Variants in RALGPS1 observed in about 807,000 individuals in gnomAD.
The protein encoded by RALGPS1 is Ral GEF with PH domain and SH3 binding motif 1.
RALGPS1 carries 19 observed loss-of-function variants against 78.8 expected under a neutral mutation model. The observed-to-expected ratio is 0.24, with a 90% CI of 0.17 to 0.35. RALGPS1 has a LOEUF of 0.35. RALGPS1 is among the 10% of genes least tolerant of loss of function. RALGPS1 has a pLI of 1.00. For missense variants in RALGPS1, 454 were observed against 688.3 expected, an observed-to-expected ratio of 0.66 and a Z score of 3.81; for synonymous variants, 228 against 256.3, an observed-to-expected ratio of 0.89 and a Z score of 1.06.
At chr9:127,074,433 G>A (rs2050500530) in intron 8 of RALGPS1, among the ~76,000 whole-genome samples, 1 of 152,056 alleles carries the variant, frequency 6.6e-6, no homozygotes, top group Non-Finnish European at 1.5e-5. Flanking sequence ...CCCCATCTCA[G>A]GTCTGCAGAT....
At chr9:126,978,017 C>T in intron 4 of RALGPS1, 1 of 306,974 alleles carries the variant, frequency 3.3e-6, no homozygotes, top group Non-Finnish European at 5.9e-6. Context: ...TCTTAACACC[C>T]TCATTCCTTT....
At chr9:126,960,537 C>T (rs1236486140) in intron 1 of RALGPS1, among the ~76,000 whole-genome samples, 2 of 151,950 alleles carry the variant, frequency 1.3e-5, no homozygotes, top group Non-Finnish European at 2.9e-5. Context: ...CCTGGCCACC[C>T]CTGTTTCTTT....
chr9:127,108,448 T>A, intron 8 of RALGPS1: 1 of 1,610,636 alleles, frequency 6.2e-7, no homozygotes, highest in Non-Finnish European at 8.5e-7. Context: ...CTTGAGCAGC[T>A]CATTGTTGAG....
chr9:126,952,985 G>A (rs1309862904), intron 1 of RALGPS1, among the ~76,000 whole-genome samples: 1 of 152,150 alleles, frequency 6.6e-6, no homozygotes, highest in Non-Finnish European at 1.5e-5. Context: ...TTGTAATTGA[G>A]CATTCCTGGA....
chr9:127,030,791 G>A (rs1170727649), intron 4 of RALGPS1, among the ~76,000 whole-genome samples: 1 of 152,160 alleles, frequency 6.6e-6, no homozygotes, highest in Non-Finnish European at 1.5e-5. Context: ...GATGGGGGCA[G>A]GAAGAGAGCG....
chr9:127,087,046 A>G (rs929868235), intron 8 of RALGPS1, among the ~76,000 whole-genome samples: 5 of 152,320 alleles, frequency 3.3e-5, no homozygotes, highest in South Asian at 2.1e-4. Context: ...GACCTGGAAG[A>G]AAGGTACGTC....
intron 4 of RALGPS1, among the ~76,000 whole-genome samples, chr9:127,016,390 A>G (rs756668112): frequency 1.4e-4 from 21 of 152,192 alleles, no homozygotes; most frequent in Non-Finnish European, 2.6e-4. Flanking sequence ...CTCAAAGACC[A>G]TCTGGTGCTG....
At chr9:127,054,101 C>T (rs1465198572) in intron 7 of RALGPS1, among the ~76,000 whole-genome samples, 2 of 152,142 alleles carry the variant, frequency 1.3e-5, no homozygotes, top group Non-Finnish European at 2.9e-5. Context: ...CAGAGCAGCT[C>T]TGTTTGTATC....
chr9:127,102,393 A>G (rs2053826904), intron 8 of RALGPS1, among the ~76,000 whole-genome samples: 1 of 152,100 alleles, frequency 6.6e-6, no homozygotes, highest in Non-Finnish European at 1.5e-5. Flanking sequence ...ATACTATACA[A>G]GTTCACCACA....
At chr9:127,123,942 G>C (rs539102422) in intron 8 of RALGPS1, among the ~76,000 whole-genome samples, 1 of 152,278 alleles carries the variant, frequency 6.6e-6, no homozygotes, top group South Asian at 2.1e-4. Context: ...TTAAAAAGGT[G>C]TTAGTGATGA....
At chr9:127,067,291 A>G (rs927652265) in intron 7 of RALGPS1, among the ~76,000 whole-genome samples, 4 of 152,188 alleles carry the variant, frequency 2.6e-5, no homozygotes, top group African/African-American at 4.8e-5. Flanking sequence ...CTAGTGGGAA[A>G]AGAAAAGTTC....
rs149105115 is a variant in RALGPS1, at chr9:127,004,533, A to G, written c.216+26788A>G. On this transcript the variant is annotated intron_variant, in intron 4 of 18. Coordinates refer to ENST00000259351, the MANE Select transcript of RALGPS1 (RefSeq NM_014636.3). ...AAGGGTTGGGATGGCATGAAGTGCTACTACTTATGTCTGGGTAATTGCAGT... is the reference window on the plus strand; with the variant it reads ...AAGGGTTGGGATGGCATGAAGTGCTGCTACTTATGTCTGGGTAATTGCAGT... Among the ~76,000 whole-genome samples the G allele has an allele frequency of 2.0e-5, 3 of 152,344 alleles. No individual in the cohort carries two copies. The East Asian group carries it at 5.8e-4, about 29-fold the overall frequency.
intron 4 of RALGPS1, among the ~76,000 whole-genome samples, chr9:126,989,332 G>A (rs1288841280): frequency 6.6e-6 from 1 of 152,194 alleles, no homozygotes; most frequent in Non-Finnish European, 1.5e-5. Context: ...AGTGAAGTGT[G>A]TAGAGATGAC....
At position 127,029,491 on chromosome 9, in the gene RALGPS1, G is replaced by A. The variant is rs762015652; in HGVS notation, c.217-4940G>A. ...ATGGGAAGAGTGGGAGAAACATGGAGGGAGGAGGAAGAAGAAAGCCATTGA... is the reference window on the plus strand; with the variant it reads ...ATGGGAAGAGTGGGAGAAACATGGAAGGAGGAGGAAGAAGAAAGCCATTGA... On this transcript the variant is annotated intron_variant, in intron 4 of 18. Transcript: ENST00000259351. Among the ~76,000 whole-genome samples the A allele has an allele frequency of 6.6e-5, 10 of 152,198 alleles. 1 individual carries two copies. The highest frequency in any genetic ancestry group is 1.4e-4 in the African/African-American group (6 of 41,458).
chr9:127,034,590 CA>C (rs1354847809), intron 5 of RALGPS1, 76 bp downstream of exon 5: 60 of 1,308,726 alleles, frequency 4.6e-5, no homozygotes, highest in Non-Finnish European at 6.1e-5. Context: ...AGCCCCCACC[CA>C]AAGCTGTCTC....
chr9:127,177,853 C>A lies in RALGPS1; in HGVS notation c.910+3071C>A, dbSNP rs772120607. On this transcript the variant is annotated intron_variant, in intron 11 of 18. Coordinates refer to ENST00000259351, the MANE Select transcript of RALGPS1 (RefSeq NM_014636.3). ...AGCCTCCTCAGGTACAGCCTCCTTTCCCACAATCCACCCACACCTCTACTT... is the reference window on the plus strand; with the variant it reads ...AGCCTCCTCAGGTACAGCCTCCTTTACCACAATCCACCCACACCTCTACTT... The A allele has an allele frequency of 5.8e-6, 9 of 1,547,958 alleles. No individual in the cohort carries two copies. In the South Asian group the frequency reaches 1.1e-4, roughly 18 times the overall value.
At chr9:127,082,666 A>G (rs1201086722) in intron 8 of RALGPS1, among the ~76,000 whole-genome samples, 2 of 152,304 alleles carry the variant, frequency 1.3e-5, no homozygotes, top group Admixed American at 6.5e-5. Flanking sequence ...GTCAGGCTGC[A>G]TGCACTTGGG....
chr9:126,969,099 A>C (rs1315515056), intron 3 of RALGPS1, among the ~76,000 whole-genome samples: 1 of 152,226 alleles, frequency 6.6e-6, no homozygotes, highest in Non-Finnish European at 1.5e-5. Context: ...TGAAAGAGGT[A>C]AAATTACTTG....
chr9:126,936,123 C>G (rs1054533869), intron 1 of RALGPS1, among the ~76,000 whole-genome samples: 1 of 152,206 alleles, frequency 6.6e-6, no homozygotes, highest in Non-Finnish European at 1.5e-5. Flanking sequence ...GACAGCTGAC[C>G]AGTCATCCCG....
Sources: gnomAD v4.1 joint callset for allele counts (sites outside exome capture counted in the v4.1 genomes callset) on GRCh38, gnomAD v4.1.1 for gene constraint, MANE v1.5 for transcripts, NCBI Gene and HGNC (gene_info 2026-07-23, HGNC 2026-07-21) for gene names.